Variants in CXCR1 observed in about 807,000 individuals in gnomAD.
The protein encoded by CXCR1 is C-X-C motif chemokine receptor 1, also known as C-X-C chemokine receptor type 1.
For synonymous variants in CXCR1, 180 were observed against 184.7 expected (o/e 0.97, Z 0.21); for missense variants, 419 against 440.5 (o/e 0.95, Z 0.44).
rs145656012 is a variant in CXCR1 at position 218,164,708 on chromosome 2, G to A, written c.504C>T (p.Ser168=). Residue 168 remains serine (S), a synonymous_variant, in exon 2 of 2, where the codon TCC becomes TCT. Coordinates refer to ENST00000295683, the MANE Select transcript of CXCR1 (RefSeq NM_000634.3). ...CCTGGCGGAAAAGGAAGAAGGGCAG[G>A]GACAGATTCATAGACAGTCCCCAGC... ...LGCWGLSMNL[S]LPFFLFRQAY... The A allele has an allele frequency of 1.9e-6, 3 of 1,614,094 alleles. No homozygotes were observed. Among genetic ancestry groups the A allele is most frequent in the Non-Finnish European group, 2.5e-6 (3 of 1,180,046 alleles).
rs1691233833 is a variant in CXCR1 at position 218,164,033 on chromosome 2, A to T, written c.*126T>A. 3.4e-6 allele frequency: 4 copies of T among 1,186,552 alleles called. No homozygotes were observed. In the South Asian group the frequency reaches 5.2e-5, roughly 15 times the overall value. 73.5% of individuals were successfully genotyped at this position (1,186,552 alleles called of 1,614,324 possible). A position where few individuals can be genotyped will look rare whatever the true frequency, so the allele number is the denominator to read the frequency against. ...GAAGACACCAGTTCCTAACTTCCCC[A>T]CATCCTATAGCGTCCCCCCAAAACC... On this transcript the variant is annotated 3_prime_UTR_variant, in exon 2 of 2. Transcript: ENST00000295683.
At chr2:218,165,643 G>T (rs1314437808) in intron 1 of CXCR1, among the ~76,000 whole-genome samples, 1 of 152,196 alleles carries the variant, frequency 6.6e-6, no homozygotes, top group Non-Finnish European at 1.5e-5. Flanking sequence ...TAAGCAAAAT[G>T]CAAGAAGGCA....
rs913964955 is a variant in CXCR1, at chr2:218,163,981, G to T, written c.*178C>A. 7.1e-6 allele frequency: 5 copies of T among 706,738 alleles called. No individual in the cohort carries two copies. Among genetic ancestry groups the T allele is most frequent in the Middle Eastern group, 3.9e-4 (1 of 2,588 alleles). 43.8% of individuals were successfully genotyped at this position (706,738 alleles called of 1,614,324 possible). A position where few individuals can be genotyped will look rare whatever the true frequency, so the allele number is the denominator to read the frequency against. On this transcript the variant is annotated 3_prime_UTR_variant, in exon 2 of 2. Transcript: ENST00000295683. ...GCCGGTCCTTGGAGGTACCTCAACA[G>T]CTCCTCAGAAGGTTGGTGTGGCCCC...
At chr2:218,165,327 G>C (rs1691265757) in intron 1 of CXCR1, 83 bp from the exon 2 acceptor site, 1 of 1,048,470 alleles carries the variant, frequency 9.5e-7, no homozygotes, top group Admixed American at 1.8e-5. Flanking sequence ...CAGTTACTGG[G>C]ATATCCTTGG....
intron 1 of CXCR1, 75 bp from the exon 2 acceptor site, chr2:218,165,319 GT>G (rs1691265663): frequency 1.8e-6 from 2 of 1,111,734 alleles, no homozygotes; most frequent in Non-Finnish European, 2.7e-6. Context: ...TGTGAGAGCA[GT>G]TACTGGGATA....
chr2:218,163,971 T>C lies in CXCR1; in HGVS notation c.*188A>G, dbSNP rs1478720358. 7.5e-6 allele frequency: 5 copies of C among 663,756 alleles called. No individual in the cohort carries two copies. The highest frequency in any genetic ancestry group is 1.8e-5 in the African/African-American group (1 of 55,952). 41.1% of individuals were successfully genotyped at this position (663,756 alleles called of 1,614,324 possible). Reference sequence around the variant, plus strand: ...AGGTGCAAAGGCCGGTCCTTGGAGGTACCTCAACAGCTCCTCAGAAGGTTG... The same window carrying C: ...AGGTGCAAAGGCCGGTCCTTGGAGGCACCTCAACAGCTCCTCAGAAGGTTG... On this transcript the variant is annotated 3_prime_UTR_variant, in exon 2 of 2. Transcript: ENST00000295683.
In CXCR1 at chr2:218,164,102, C is replaced by T; in HGVS notation, c.*57G>A. ...AGCCAGATCACCTTCCACACACAAC[C>T]TCAGGGTGTTGGTTATTCTTTCCTT... On this transcript the variant is annotated 3_prime_UTR_variant, in exon 2 of 2. Transcript: ENST00000295683. 1 of 1,597,382 alleles carries T rather than the reference C, an allele frequency of 6.3e-7. No individual in the cohort carries two copies. Among genetic ancestry groups the T allele is most frequent in the African/African-American group, 1.3e-5 (1 of 74,850 alleles).
chr2:218,165,354 G>A (rs16858816), intron 1 of CXCR1, 110 bp from the exon 2 acceptor site: 27,818 of 825,858 alleles, frequency 0.034, 557 homozygotes, highest in African/African-American at 0.055. Context: ...TGTTGGTTTG[G>A]CAATGAGAGC....
At position 218,164,065 on chromosome 2, in the gene CXCR1, G is replaced by C. The variant is rs1049969331; in HGVS notation, c.*94C>G. 6.7e-7 allele frequency: 1 copy of C among 1,487,310 alleles called. No individual in the cohort carries two copies. The highest frequency in any genetic ancestry group is 1.4e-5 in the African/African-American group (1 of 72,830). The allele number at this position is 1,487,310 out of a possible 1,614,324, so 92.1% of individuals were successfully genotyped here. ...ATAGCGTCCCCCCAAAACCCAGATA[G>C]TGCCTGTCCAGAGCCAGATCACCTT... On this transcript the variant is annotated 3_prime_UTR_variant, in exon 2 of 2. Transcript: ENST00000295683.
Position 218,162,913 on chromosome 2 carries a change from G to C in CXCR1, c.*1246C>G, listed in dbSNP as rs1293804218. 6.6e-6 allele frequency: 1 copy of C among 152,300 alleles called. No individual in the cohort carries two copies. The highest frequency in any genetic ancestry group is 1.5e-5 in the Non-Finnish European group (1 of 68,056). 9.4% of individuals were successfully genotyped at this position (152,300 alleles called of 1,614,324 possible). ...ACCAAGGACATACAGTGAATAAACC[G>C]ACAGGGCCCTGTCTCCAAGGAGGGA... On this transcript the variant is annotated 3_prime_UTR_variant, in exon 2 of 2. Transcript: ENST00000295683.
At chr2:218,166,523 A>G (rs1034906656) in intron 1 of CXCR1, among the ~76,000 whole-genome samples, 1 of 152,166 alleles carries the variant, frequency 6.6e-6, no homozygotes, top group African/African-American at 2.4e-5. Flanking sequence ...CTCATCTGCA[A>G]ATCGAGGAAG....
chr2:218,164,179 T>C lies in CXCR1; in HGVS notation c.1033A>G (p.Asn345Asp), dbSNP rs1427648593. 10 of 1,614,102 alleles carry C rather than the reference T, an allele frequency of 6.2e-6. No homozygotes were observed. The highest frequency in any genetic ancestry group is 1.3e-5 in the African/African-American group (1 of 75,042). ...RVTSYTSSSV[N>D]VSSNL ...GGTTTTCAGAGGTTGGAAGAGACAT[T>C]GACAGACGAAGAAGTGTAGGAGGTA... Residue 345 changes from asparagine (N) to aspartate (D), a missense_variant, in exon 2 of 2, where the codon AAT becomes GAT. Transcript: ENST00000295683.
chr2:218,165,812 G>C (rs201024622), intron 1 of CXCR1, among the ~76,000 whole-genome samples: 3 of 152,222 alleles, frequency 2.0e-5, no homozygotes, highest in South Asian at 4.1e-4. Flanking sequence ...CACATATTTT[G>C]TTCCTCTGTC....
rs765388744 is a variant in CXCR1, at chr2:218,164,561, G to A, written c.651C>T (p.Val217=). The A allele has an allele frequency of 1.9e-6, 3 of 1,614,108 alleles. No homozygotes were observed. The highest frequency in any genetic ancestry group is 1.3e-5 in the African/African-American group (1 of 74,928). The part of the protein sequence containing the change: ...HTFGFIVPLF[V]MLFCYGFTLR... ...GGGTGAATCCATAGCAGAACAGCAT[G>A]ACAAACAGCGGCACGATGAAGCCAA... The change falls in exon 2 of 2, where the codon GTC becomes GTT. Residue 217 remains valine, a synonymous_variant. Coordinates refer to ENST00000295683, the MANE Select transcript of CXCR1 (RefSeq NM_000634.3).
In CXCR1 at chr2:218,164,637, C is replaced by G; in HGVS notation, c.575G>C (p.Gly192Ala). 1.2e-6 allele frequency: 2 copies of G among 1,613,934 alleles called. No individual in the cohort carries two copies. The highest frequency in any genetic ancestry group is 1.7e-6 in the Non-Finnish European group (2 of 1,179,800). Residue 192 changes from glycine to alanine, a missense_variant, in exon 2 of 2, where the codon GGA (glycine) becomes GCA (alanine). Coordinates refer to ENST00000295683, the MANE Select transcript of CXCR1 (RefSeq NM_000634.3). ...CATCCGCCATTTTGCTGTGTCATTT[C>G]CCAGGACCTCATAGCAAACTGGACT... The part of the protein sequence containing the change: ...NSSPVCYEVL[G>A]NDTAKWRMVL...
chr2:218,164,289 A>T lies in CXCR1; in HGVS notation c.923T>A (p.Ile308Asn). 1.2e-6 allele frequency: 2 copies of T among 1,612,310 alleles called. No homozygotes were observed. Among genetic ancestry groups the T allele is most frequent in the Non-Finnish European group, 1.7e-6 (2 of 1,178,406 alleles). The change falls in exon 2 of 2, where the codon ATC becomes AAC. Residue 308 changes from isoleucine to asparagine, a missense_variant. Transcript: ENST00000295683. ...SCLNPIIYAF[I>N]GQNFRHGFLK... is the part of the protein sequence containing the mutation. ...GAATCCATGGCGAAAATTTTGGCCG[A>T]TGAAGGCGTAGATGATGGGGTTGAG... is the stretch of plus-strand genomic sequence containing the variant.
chr2:218,164,437 T>C lies in CXCR1; in HGVS notation c.775A>G (p.Asn259Asp). The C allele has an allele frequency of 2.5e-6, 4 of 1,614,108 alleles. No homozygotes were observed. The highest frequency in any genetic ancestry group is 3.4e-6 in the Non-Finnish European group (4 of 1,180,018). Residue 259 changes from asparagine (N) to aspartate (D), a missense_variant, in exon 2 of 2, where the codon AAC becomes GAC. By Grantham distance (23) the Asn-to-Asp change is conservative. Coordinates refer to ENST00000295683, the MANE Select transcript of CXCR1 (RefSeq NM_000634.3). Reference sequence around the variant, plus strand: ...AGGGTGTCTGCCAGCAGGACCAGGTTGTAGGGCAGCCAGCAAAGCAGGAAG... The same window carrying C: ...AGGGTGTCTGCCAGCAGGACCAGGTCGTAGGGCAGCCAGCAAAGCAGGAAG... ...LIFLLCWLPY[N>D]LVLLADTLMR...
chr2:218,166,378 C>T (rs1038777452), intron 1 of CXCR1, among the ~76,000 whole-genome samples: 36 of 152,130 alleles, frequency 2.4e-4, no homozygotes, highest in Non-Finnish European at 7.3e-5. Flanking sequence ...ATGGAGGTTG[C>T]AGTGAGCCGA....
chr2:218,165,240 T>C lies in CXCR1; in HGVS notation c.-29A>G, dbSNP rs780344375. 1 of 1,603,940 alleles carries C rather than the reference T, an allele frequency of 6.2e-7. No homozygotes were observed. Among genetic ancestry groups the C allele is most frequent in the South Asian group, 1.1e-5 (1 of 90,910 alleles). On this transcript the variant is annotated 5_prime_UTR_variant, in exon 2 of 2. Transcript: ENST00000295683. Reference sequence around the variant, plus strand: ...CTCTTCAGTTTCAGCAATGGTTTGATCTAACTGGAAGGTTAGAAGGAAGGA... The same window carrying C: ...CTCTTCAGTTTCAGCAATGGTTTGACCTAACTGGAAGGTTAGAAGGAAGGA...
Sources: allele counts gnomAD v4.1 joint callset (sites outside exome capture counted in the v4.1 genomes callset), GRCh38; gene constraint gnomAD v4.1.1; transcripts MANE v1.5; gene names NCBI Gene and HGNC (gene_info 2026-07-23, HGNC 2026-07-21).